The following WDR72 variants were observed in gnomAD, a reference collection of about 807,000 sequenced individuals.
WDR72 encodes the protein WD repeat-containing protein 72.
A neutral mutation model predicts 124.2 loss-of-function variants in WDR72; 120 were observed. The observed-to-expected ratio is 0.97, with a 90% CI of 0.83 to 1.12. The LOEUF is 1.12. WDR72 is among the 50% of genes most tolerant of loss of function. The pLI, the probability that WDR72 is intolerant of heterozygous loss-of-function variation, is 0.00. For missense variants in WDR72, 1,387 were observed against 1,278.8 expected, an observed-to-expected ratio of 1.08 and a Z score of -1.29; for synonymous variants, 452 against 441.7, an observed-to-expected ratio of 1.02 and a Z score of -0.29.
intron 1 of WDR72, among the ~76,000 whole-genome samples, chr15:53,738,737 A>G (rs1271500196): frequency 3.3e-5 from 5 of 152,008 alleles, no homozygotes; most frequent in African/African-American, 4.8e-5. Context: ...CCTCCTGAGT[A>G]CTGGGATTAC....
In WDR72 at chr15:53,732,981, A is replaced by G; in HGVS notation, c.153+16T>C. On this transcript the variant is annotated intron_variant, in intron 2 of 19. Transcript: ENST00000360509. ...TGTGAGTGGTGTCTGTTTCAATATC[A>G]GTAGCTTTCACTAACCTTTAGTTCA... The G allele has an allele frequency of 1.2e-6, 2 of 1,614,018 alleles. No individual in the cohort carries two copies. Among genetic ancestry groups the G allele is most frequent in the Non-Finnish European group, 8.5e-7 (1 of 1,179,922 alleles).
chr15:53,541,295 T>TGA (rs1893112855), intron 18 of WDR72, among the ~76,000 whole-genome samples: 1 of 152,192 alleles, frequency 6.6e-6, no homozygotes, highest in Admixed American at 6.5e-5. Context: ...GCTGGAGATC[T>TGA]GAGAACGGGC....
In WDR72 at chr15:53,654,112, T is replaced by G. The variant is rs541703748; in HGVS notation, c.1962+11460A>C. Among the ~76,000 whole-genome samples, 300 of 152,262 alleles carry G rather than the reference T, an allele frequency of 2.0e-3. 2 individuals are homozygous for G. The highest frequency in any genetic ancestry group is 7.0e-3 in the African/African-American group (291 of 41,572). On this transcript the variant is annotated intron_variant, in intron 14 of 19. Transcript: ENST00000360509. ...AATTCTCAAGTGAAGAAACTTTTAATTATAATATGATGTATGTGTTCATGC... is the reference window on the plus strand; with the variant it reads ...AATTCTCAAGTGAAGAAACTTTTAAGTATAATATGATGTATGTGTTCATGC...
intron 17 of WDR72, among the ~76,000 whole-genome samples, chr15:53,597,854 G>C (rs2012851511): frequency 6.6e-6 from 1 of 152,118 alleles, no homozygotes; most frequent in Non-Finnish European, 1.5e-5. Flanking sequence ...ATGGTTCGAA[G>C]GGCGGGGGGA....
intron 3 of WDR72, among the ~76,000 whole-genome samples, chr15:53,717,012 C>G (rs148309428): frequency 2.6e-5 from 4 of 152,082 alleles, no homozygotes; most frequent in African/African-American, 9.7e-5. Context: ...CTTGAAAATG[C>G]TTTATTTCAC....
chr15:53,654,777 A>C lies in WDR72; in HGVS notation c.1962+10795T>G, dbSNP rs200800037. Among the ~76,000 whole-genome samples the C allele has an allele frequency of 5.3e-5, 8 of 152,198 alleles. No homozygotes were observed. The East Asian group carries it at 1.5e-3, about 29-fold the overall frequency. Reference sequence around the variant, plus strand: ...AATTGGATTATCATAAAAAGTGAAAATTTTGACAAAACACACTCAGAACTG... The same window carrying C: ...AATTGGATTATCATAAAAAGTGAAACTTTTGACAAAACACACTCAGAACTG... On this transcript the variant is annotated intron_variant, in intron 14 of 19. Transcript: ENST00000360509.
In WDR72 at chr15:53,642,154, C is replaced by T. The variant is rs572772302; in HGVS notation, c.1962+23418G>A. 4.6e-5 allele frequency among the ~76,000 whole-genome samples: 7 copies of T among 151,840 alleles called. No individual in the cohort carries two copies. The South Asian group carries it at 6.2e-4, about 14-fold the overall frequency. On this transcript the variant is annotated intron_variant, in intron 14 of 19. Coordinates refer to ENST00000360509, the MANE Select transcript of WDR72 (RefSeq NM_182758.4). ...CCACCCTTCTTTAATCCCTGTAATT[C>T]GAAGTTGATATATGCAGTAGTATTA...
intron 18 of WDR72, among the ~76,000 whole-genome samples, chr15:53,590,293 G>A (rs79079064): frequency 0.094 from 14,272 of 151,610 alleles, 787 homozygotes; most frequent in African/African-American, 0.14. Context: ...TGGCTTTTTC[G>A]GTTCCCAAAA....
At chr15:53,752,924 C>T (rs2140898176) in intron 1 of WDR72, among the ~76,000 whole-genome samples, 1 of 151,992 alleles carries the variant, frequency 6.6e-6, no homozygotes, top group Admixed American at 6.6e-5. Context: ...TCTAGTAAAG[C>T]CCTACTAAAT....
chr15:53,653,155 TCTTTA>T (rs752457882), intron 14 of WDR72, among the ~76,000 whole-genome samples: 2 of 152,204 alleles, frequency 1.3e-5, no homozygotes, highest in Non-Finnish European at 2.9e-5. Context: ...AAGGAAGCAT[TCTTTA>T]CTTTCTTACC....
intron 2 of WDR72, among the ~76,000 whole-genome samples, chr15:53,726,266 A>G (rs62007999): frequency 0.057 from 4,777 of 83,230 alleles, 135 homozygotes; most frequent in Non-Finnish European, 0.077. Context: ...GTATGTGTGT[A>G]TATATATATA....
chr15:53,597,580 TTTCATTTCCACCAGAAGATAAAGAAAA>T (rs2012838923), intron 17 of WDR72, among the ~76,000 whole-genome samples: 2 of 152,142 alleles, frequency 1.3e-5, no homozygotes, highest in Non-Finnish European at 2.9e-5. Flanking sequence ...TTTTTCCTAT[TTTCATTTCCACCAGAAGATAAAGAAAA>T]TTCATTTGAA....
At chr15:53,631,725 G>A (rs1363554438) in intron 14 of WDR72, among the ~76,000 whole-genome samples, 1 of 152,184 alleles carries the variant, frequency 6.6e-6, no homozygotes, top group African/African-American at 2.4e-5. Context: ...TTATGCTTTA[G>A]CAAAGAGGGT....
intron 14 of WDR72, among the ~76,000 whole-genome samples, chr15:53,644,321 T>C (rs2014964224): frequency 6.6e-6 from 1 of 152,110 alleles, no homozygotes; most frequent in African/African-American, 2.4e-5. Flanking sequence ...TTTCTTAAGA[T>C]GTTTAAGGAA....
intron 13 of WDR72, among the ~76,000 whole-genome samples, chr15:53,666,154 C>T (rs2015773876): frequency 6.6e-6 from 1 of 152,166 alleles, no homozygotes; most frequent in African/African-American, 2.4e-5. Flanking sequence ...CAGTGCTTTG[C>T]CTGGGTTTCC....
chr15:53,655,788 G>A (rs185905185), intron 14 of WDR72, among the ~76,000 whole-genome samples: 47 of 152,244 alleles, frequency 3.1e-4, no homozygotes, highest in African/African-American at 1.1e-3. Context: ...TGCCTCCCAG[G>A]TTCAAGCAAT....
At chr15:53,674,230 TA>T (rs1010665466) in intron 13 of WDR72, among the ~76,000 whole-genome samples, 1 of 152,180 alleles carries the variant, frequency 6.6e-6, no homozygotes, top group Non-Finnish European at 1.5e-5. Flanking sequence ...GAGTAAGTTT[TA>T]AAAAATGACC....
chr15:53,578,443 T>G (rs779654642), intron 18 of WDR72, among the ~76,000 whole-genome samples: 4 of 152,122 alleles, frequency 2.6e-5, no homozygotes, highest in South Asian at 2.1e-4. Context: ...CCTGGGGCCT[T>G]GCTCAGTGCT....
At chr15:53,711,091 A>G in intron 8 of WDR72, 138 bp from the exon 9 acceptor site, 2 of 911,844 alleles carry the variant, frequency 2.2e-6, no homozygotes, top group East Asian at 2.6e-5. Context: ...GTTAATAATT[A>G]CAAGTGACTT....
Sources: gnomAD v4.1 joint callset for allele counts (sites outside exome capture counted in the v4.1 genomes callset) on GRCh38, gnomAD v4.1.1 for gene constraint, MANE v1.5 for transcripts, NCBI Gene and HGNC (gene_info 2026-07-23, HGNC 2026-07-21) for gene names.